ME3: variants seen among roughly 807,000 people sequenced by gnomAD.
ME3 encodes malic enzyme 3, also known as NADP-dependent malic enzyme, mitochondrial.
A neutral mutation model predicts 68.9 loss-of-function variants in ME3; 48 were observed. The observed-to-expected ratio is 0.70, with a 90% confidence interval of 0.55 to 0.89. The LOEUF (loss-of-function observed/expected upper bound fraction) is 0.89. ME3 is among the 40% of genes least tolerant of loss of function. The probability of loss-of-function intolerance (pLI) is 0.00; values close to 1 mark genes in which losing one functional copy is unlikely to be tolerated. For synonymous variants in ME3, 320 were observed against 318.8 expected (o/e 1.00, Z -0.04); for missense variants, 675 against 797.4 (o/e 0.85, Z 1.85).
At chr11:86,575,573 G>C (rs777834537) in intron 2 of ME3, among the ~76,000 whole-genome samples, 1 of 129,608 alleles carries the variant, frequency 7.7e-6, no homozygotes, top group Non-Finnish European at 1.7e-5. Context: ...GGGACTGTTG[G>C]CAATCATTTC....
intron 2 of ME3, among the ~76,000 whole-genome samples, chr11:86,623,963 A>G (rs1943505030): frequency 6.6e-6 from 1 of 152,160 alleles, no homozygotes. Flanking sequence ...GGCTTGACGT[A>G]CAACGTGACC....
intron 4 of ME3, among the ~76,000 whole-genome samples, chr11:86,527,541 A>G (rs1954854572): frequency 1.3e-5 from 2 of 152,348 alleles, no homozygotes; most frequent in African/African-American, 4.8e-5. Context: ...AGCAACTCCA[A>G]GACACATAAT....
intron 4 of ME3, among the ~76,000 whole-genome samples, chr11:86,523,878 A>AGTG (rs1408840389): frequency 3.8e-4 from 58 of 152,304 alleles, no homozygotes; most frequent in Non-Finnish European, 7.6e-4. Flanking sequence ...TCAGAATCTA[A>AGTG]AAATTCTAAT....
chr11:86,556,861 T>C (rs1363345111), intron 3 of ME3, among the ~76,000 whole-genome samples, 159 bp from the exon 4 acceptor site: 1 of 152,172 alleles, frequency 6.6e-6, no homozygotes, highest in Non-Finnish European at 1.5e-5. Context: ...AGCTATGAAA[T>C]GTGAAGATGA....
chr11:86,471,011 C>T (rs773100853), intron 7 of ME3, among the ~76,000 whole-genome samples: 4 of 152,130 alleles, frequency 2.6e-5, no homozygotes, highest in Non-Finnish European at 5.9e-5. Flanking sequence ...ATTCTAGGCA[C>T]GTTTTCCTGC....
chr11:86,585,264 T>C (rs1298626697), intron 2 of ME3, among the ~76,000 whole-genome samples: 1 of 152,140 alleles, frequency 6.6e-6, no homozygotes, highest in Non-Finnish European at 1.5e-5. Context: ...TTGGCTGCAG[T>C]GAGGAGAATT....
At chr11:86,445,307 C>T (rs1020728030) in intron 13 of ME3, among the ~76,000 whole-genome samples, 5 of 152,214 alleles carry the variant, frequency 3.3e-5, no homozygotes, top group Admixed American at 1.3e-4. Context: ...ATTATTTGCA[C>T]AGCCTTGGAG....
At chr11:86,490,800 C>T (rs1347128686) in intron 6 of ME3, among the ~76,000 whole-genome samples, 1 of 152,120 alleles carries the variant, frequency 6.6e-6, no homozygotes, top group Non-Finnish European at 1.5e-5. Flanking sequence ...TGGAATGTTG[C>T]CAAGTCACAG....
chr11:86,597,282 C>G (rs928374293), intron 2 of ME3, among the ~76,000 whole-genome samples: 3 of 152,232 alleles, frequency 2.0e-5, no homozygotes, highest in Admixed American at 6.5e-5. Context: ...ACGGCAGAAC[C>G]AGCAGTGAGC....
intron 2 of ME3, among the ~76,000 whole-genome samples, chr11:86,618,028 C>T (rs1343205879): frequency 1.3e-5 from 2 of 152,138 alleles, no homozygotes; most frequent in African/African-American, 4.8e-5. Context: ...AGGATCATGG[C>T]TGGGCACAGT....
chr11:86,479,830 T>TTTTTC (rs1470184690), intron 7 of ME3, among the ~76,000 whole-genome samples: 21 of 152,090 alleles, frequency 1.4e-4, no homozygotes, highest in Admixed American at 5.9e-4. Flanking sequence ...TTCTTTTTTT[T>TTTTTC]TTGAGATGGA....
chr11:86,603,173 G>T (rs1961005271), intron 2 of ME3, among the ~76,000 whole-genome samples: 1 of 152,080 alleles, frequency 6.6e-6, no homozygotes, highest in Admixed American at 6.6e-5. Context: ...CCTACAAAAT[G>T]GGAGAAAATT....
intron 10 of ME3, among the ~76,000 whole-genome samples, chr11:86,448,963 T>C (rs1301476939): frequency 6.6e-6 from 1 of 151,736 alleles, no homozygotes; most frequent in African/African-American, 2.4e-5. Context: ...GAGGGAAGAG[T>C]GGCTGTCTCT....
At chr11:86,530,730 C>G (rs371930337) in intron 4 of ME3, among the ~76,000 whole-genome samples, 1 of 152,050 alleles carries the variant, frequency 6.6e-6, no homozygotes, top group African/African-American at 2.4e-5. Flanking sequence ...AGAAACCTGA[C>G]AAAAACAAGA....
chr11:86,481,187 G>T (rs914382497), intron 7 of ME3, among the ~76,000 whole-genome samples: 1 of 148,658 alleles, frequency 6.7e-6, no homozygotes, highest in African/African-American at 2.5e-5. Flanking sequence ...CAATAAAAGC[G>T]AGTGCCACCA....
At chr11:86,523,924 A>T (rs927538249) in intron 4 of ME3, among the ~76,000 whole-genome samples, 2 of 152,240 alleles carry the variant, frequency 1.3e-5, no homozygotes, top group East Asian at 3.8e-4. Context: ...TAGAACAGAG[A>T]AAGTTAATGT....
chr11:86,478,589 A>T (rs1236271470), intron 7 of ME3, among the ~76,000 whole-genome samples: 1 of 152,194 alleles, frequency 6.6e-6, no homozygotes, highest in Non-Finnish European at 1.5e-5. Context: ...TTGTTGCTCA[A>T]GAACCTACCA....
chr11:86,498,065 G>A (rs1166684008), exon 6 of ME3: 1 of 1,613,766 alleles, frequency 6.2e-7, no homozygotes. Context: ...GGATGCCCAT[G>A]CCGTAGCAGC....
chr11:86,483,897 C>T (rs187826283), intron 7 of ME3, among the ~76,000 whole-genome samples: 2 of 152,324 alleles, frequency 1.3e-5, no homozygotes, highest in East Asian at 3.9e-4. Context: ...GAATGGAAAC[C>T]ATCAGGGAAA....
Sources: gnomAD v4.1 joint callset for allele counts (sites outside exome capture counted in the v4.1 genomes callset) on GRCh38, gnomAD v4.1.1 for gene constraint, MANE v1.5 for transcripts, NCBI Gene and HGNC (gene_info 2026-07-23, HGNC 2026-07-21) for gene names.